Variants in ADGRB3 observed in about 807,000 individuals in gnomAD.
ADGRB3 encodes brain-specific angiogenesis inhibitor 3.
Under a neutral mutation model 193.4 loss-of-function variants are expected in ADGRB3, and 37 were observed. The observed-to-expected ratio is 0.19, with a 90% CI of 0.15 to 0.25. The LOEUF (loss-of-function observed/expected upper bound fraction) is 0.25, where lower values mean the gene tolerates loss of function less well. ADGRB3 is among the 10% of genes least tolerant of loss of function. The pLI is 1.00. For synonymous variants in ADGRB3, 690 were observed against 644.2 expected, an observed-to-expected ratio of 1.07 and a Z score of -1.08; for missense variants, 1,637 against 1,852.9, an observed-to-expected ratio of 0.88 and a Z score of 2.14.
chr6:69,100,717 A>G (rs1406686925), intron 17 of ADGRB3, among the ~76,000 whole-genome samples: 1 of 151,258 alleles, frequency 6.6e-6, no homozygotes, highest in Non-Finnish European at 1.5e-5. Context: ...CCAGAAAGGT[A>G]ATTACTGTTA....
intron 17 of ADGRB3, among the ~76,000 whole-genome samples, chr6:69,194,399 T>C (rs889660153): frequency 1.3e-5 from 2 of 152,116 alleles, no homozygotes; most frequent in African/African-American, 2.4e-5. Context: ...CTGGATGCTA[T>C]GGTTAGATGC....
At chr6:69,243,544 A>G (rs1366432266) in intron 20 of ADGRB3, among the ~76,000 whole-genome samples, 2 of 152,034 alleles carry the variant, frequency 1.3e-5, no homozygotes, top group Non-Finnish European at 2.9e-5. Context: ...AATCTTATGT[A>G]CAGTTCATTT....
intron 20 of ADGRB3, among the ~76,000 whole-genome samples, chr6:69,287,949 A>G (rs571311002): frequency 6.6e-6 from 1 of 152,284 alleles, no homozygotes; most frequent in South Asian, 2.1e-4. Flanking sequence ...TTAGAAATCT[A>G]CTTTAAAAAA....
chr6:68,928,535 A>G (rs554106213), intron 3 of ADGRB3, among the ~76,000 whole-genome samples: 3 of 152,154 alleles, frequency 2.0e-5, no homozygotes, highest in Non-Finnish European at 4.4e-5. Context: ...ACCCACGGAC[A>G]TACTCAGACC....
chr6:69,157,776 T>C (rs1394923499), intron 17 of ADGRB3, among the ~76,000 whole-genome samples: 1 of 151,596 alleles, frequency 6.6e-6, no homozygotes, highest in Non-Finnish European at 1.5e-5. Flanking sequence ...AAATGAGAAA[T>C]TGATGGTTAG....
chr6:68,884,660 C>A (rs1049006556), intron 3 of ADGRB3, among the ~76,000 whole-genome samples: 2 of 151,954 alleles, frequency 1.3e-5, no homozygotes, highest in African/African-American at 4.8e-5. Context: ...ATCCTAGATA[C>A]AACGAAAATC....
At chr6:69,067,561 CA>C (rs1771944849) in intron 16 of ADGRB3, among the ~76,000 whole-genome samples, 1 of 152,056 alleles carries the variant, frequency 6.6e-6, no homozygotes, top group Non-Finnish European at 1.5e-5. Flanking sequence ...AATCACTTGG[CA>C]AAACTTTGAA....
intron 3 of ADGRB3, among the ~76,000 whole-genome samples, chr6:68,675,705 C>T (rs535461749): frequency 9.2e-5 from 14 of 152,142 alleles, no homozygotes; most frequent in Non-Finnish European, 1.9e-4. Context: ...CGCCAGGGCA[C>T]CAGCTTCTCC....
At chr6:69,360,171 G>T (rs1769422061) in intron 28 of ADGRB3, among the ~76,000 whole-genome samples, 2 of 151,662 alleles carry the variant, frequency 1.3e-5, no homozygotes, top group South Asian at 2.1e-4. Context: ...TTCATAAAGT[G>T]TTTTTTTCTT....
chr6:69,344,247 G>T lies in ADGRB3; in HGVS notation c.3459+4743G>T, dbSNP rs531707371. ...GCTGTTCTGTAGCATCACTAACAGG[G>T]CCAAGCTCCTCTTTTCTCTTTCCCA... is the stretch of plus-strand genomic sequence containing the variant. On this transcript the variant is annotated intron_variant, in intron 26 of 31. Coordinates refer to ENST00000370598, the MANE Select transcript of ADGRB3 (RefSeq NM_001704.3). Among the ~76,000 whole-genome samples, 7 of 152,254 alleles carry T rather than the reference G, an allele frequency of 4.6e-5. No homozygotes were observed. The South Asian group carries it at 1.5e-3, about 32-fold the overall frequency.
In ADGRB3 at chr6:68,956,818, G is replaced by T; in HGVS notation, c.1525+9G>T. On this transcript the variant is annotated intron_variant, in intron 8 of 31. Coordinates refer to ENST00000370598, the MANE Select transcript of ADGRB3 (RefSeq NM_001704.3). The stretch of plus-strand genomic sequence containing the variant: ...TGAGCAGCGATGCCCTGGTGAGAAT[G>T]AACCCAAATTATCCCAAAAGAAACA... 6.2e-7 allele frequency: 1 copy of T among 1,603,186 alleles called. No individual in the cohort carries two copies. Among genetic ancestry groups the T allele is most frequent in the South Asian group, 1.1e-5 (1 of 89,774 alleles).
intron 13 of ADGRB3, among the ~76,000 whole-genome samples, chr6:69,035,620 A>G (rs148063666): frequency 5.8e-4 from 89 of 152,254 alleles, no homozygotes; most frequent in African/African-American, 2.0e-3. Context: ...GAGTAACATG[A>G]TTCAATTTAT....
intron 17 of ADGRB3, among the ~76,000 whole-genome samples, chr6:69,118,456 C>T (rs149725158): frequency 0.36 from 45,419 of 127,930 alleles, 9,166 homozygotes; most frequent in East Asian, 0.94. Flanking sequence ...GAGTAAAGGC[C>T]CAGGTACACC....
chr6:69,014,844 G>GA (rs1027312530), intron 12 of ADGRB3, among the ~76,000 whole-genome samples: 4 of 149,594 alleles, frequency 2.7e-5, no homozygotes, highest in African/African-American at 7.4e-5. Flanking sequence ...AGACAATCTT[G>GA]AAAAAAAAAG....
At chr6:69,112,537 A>T (rs1423249977) in intron 17 of ADGRB3, among the ~76,000 whole-genome samples, 1 of 152,138 alleles carries the variant, frequency 6.6e-6, no homozygotes, top group Non-Finnish European at 1.5e-5. Flanking sequence ...ATGTTTCTAG[A>T]TCATTAATAA....
chr6:68,658,587 C>T (rs978606712), intron 3 of ADGRB3, among the ~76,000 whole-genome samples: 6 of 151,172 alleles, frequency 4.0e-5, no homozygotes, highest in African/African-American at 1.2e-4. Context: ...GTATTGATTT[C>T]GACCTGCTAT....
At chr6:69,296,722 G>A (rs1767826608) in intron 20 of ADGRB3, among the ~76,000 whole-genome samples, 1 of 152,008 alleles carries the variant, frequency 6.6e-6, no homozygotes, top group Non-Finnish European at 1.5e-5. Context: ...ATTATGTCAT[G>A]TTATCCTCAT....
At chr6:69,159,388 G>A (rs1774928232) in intron 17 of ADGRB3, among the ~76,000 whole-genome samples, 1 of 151,722 alleles carries the variant, frequency 6.6e-6, no homozygotes, top group South Asian at 2.1e-4. Context: ...CTTACCTCAA[G>A]TATTAGTAGA....
At chr6:68,756,189 C>T (rs576280312) in intron 3 of ADGRB3, among the ~76,000 whole-genome samples, 12 of 152,142 alleles carry the variant, frequency 7.9e-5, no homozygotes, top group South Asian at 2.1e-4. Context: ...CCCCAGGAGA[C>T]GGCTGTATAT....
Sources: allele counts gnomAD v4.1 joint callset (sites outside exome capture counted in the v4.1 genomes callset), GRCh38; gene constraint gnomAD v4.1.1; transcripts MANE v1.5; gene names NCBI Gene and HGNC (gene_info 2026-07-23, HGNC 2026-07-21).